Variants in MBNL1 observed in about 807,000 individuals in gnomAD.
MBNL1 encodes muscleblind-like protein 1.
In MBNL1, 8 loss-of-function variants were observed where a neutral mutation model predicts 42.2. The observed-to-expected ratio is 0.19, with a 90% CI of 0.11 to 0.34. MBNL1 has a LOEUF of 0.34. Among genes scored for constraint, MBNL1 ranks in the 10% least tolerant of loss-of-function variants. MBNL1 has a pLI of 1.00. For missense variants in MBNL1, 309 were observed against 495.3 expected (o/e 0.62, Z 3.57); for synonymous variants, 169 against 173.9 (o/e 0.97, Z 0.22).
At chr3:152,294,625 T>G (rs1653858331) in intron 1 of MBNL1, among the ~76,000 whole-genome samples, 1 of 152,142 alleles carries the variant, frequency 6.6e-6, no homozygotes, top group Admixed American at 6.5e-5. Flanking sequence ...TCAGAGAAGT[T>G]TATTATAATG....
At chr3:152,336,688 T>C (rs2090447503) in intron 2 of MBNL1, among the ~76,000 whole-genome samples, 1 of 152,236 alleles carries the variant, frequency 6.6e-6, no homozygotes, top group African/African-American at 2.4e-5. Flanking sequence ...TAGTGACTTA[T>C]CAGACAGAAG....
intron 6 of MBNL1, among the ~76,000 whole-genome samples, chr3:152,450,862 A>G (rs1426491099): frequency 1.3e-5 from 2 of 152,202 alleles, no homozygotes; most frequent in Non-Finnish European, 2.9e-5. Flanking sequence ...AATTTTGGCA[A>G]TTCAGTTTTT....
At chr3:152,410,389 A>AG (rs34402819) in intron 2 of MBNL1, among the ~76,000 whole-genome samples, 1 of 152,328 alleles carries the variant, frequency 6.6e-6, no homozygotes, top group East Asian at 1.9e-4. Context: ...TAAGACTACA[A>AG]GGGGGAAATT....
intron 2 of MBNL1, among the ~76,000 whole-genome samples, chr3:152,385,239 T>TA (rs2097360606): frequency 6.6e-6 from 1 of 152,208 alleles, no homozygotes; most frequent in South Asian, 2.1e-4. Context: ...AGGCCTCTCT[T>TA]ACATTAAATC....
intron 6 of MBNL1, 102 bp downstream of exon 6, chr3:152,447,875 G>T: frequency 9.5e-7 from 1 of 1,053,334 alleles, no homozygotes. Flanking sequence ...AATTATAGAT[G>T]AGGTGTCAGG....
chr3:152,445,287 T>C lies in MBNL1; in HGVS notation c.555T>C (p.Cys185=), dbSNP rs1242006926. Residue 185 remains cysteine (C), a synonymous_variant, in exon 5 of 10, where the codon TGT becomes TGC. Transcript: ENST00000324210. Reference sequence around the variant, plus strand: ...TGTACTTAATGACCTCATAGGTATGTCGAGAGTACCAACGTGGCAATTGCA... The same window carrying C: ...TGTACTTAATGACCTCATAGGTATGCCGAGAGTACCAACGTGGCAATTGCA... The part of the protein sequence containing the change: ...KLMRTDRLEV[C]REYQRGNCNR... 4 of 1,613,534 alleles carry C rather than the reference T, an allele frequency of 2.5e-6. No homozygotes were observed. The highest frequency in any genetic ancestry group is 3.4e-6 in the Non-Finnish European group (4 of 1,179,670).
At chr3:152,320,172 A>G (rs1309311513) in intron 2 of MBNL1, among the ~76,000 whole-genome samples, 1 of 152,146 alleles carries the variant, frequency 6.6e-6, no homozygotes, top group Non-Finnish European at 1.5e-5. Flanking sequence ...ACTATGACCA[A>G]TAATTGTGAG....
Position 152,462,884 on chromosome 3 carries a change from A to G in MBNL1, c.*518A>G, listed in dbSNP as rs1748150036. The G allele has an allele frequency of 6.6e-6, 1 of 152,520 alleles. No homozygotes were observed. Among genetic ancestry groups the G allele is most frequent in the Non-Finnish European group, 1.5e-5 (1 of 67,982 alleles). 9.4% of individuals were successfully genotyped at this position (152,520 alleles called of 1,614,324 possible). ...CGTGCATGCACAGTCATTTTTGTTT[A>G]AGAGTAATATTTTTAATGTAATAGA... On this transcript the variant is annotated 3_prime_UTR_variant, in exon 10 of 10. Transcript: ENST00000324210.
intron 2 of MBNL1, among the ~76,000 whole-genome samples, chr3:152,303,658 A>G (rs2061664905): frequency 1.3e-5 from 2 of 152,168 alleles, no homozygotes; most frequent in South Asian, 2.1e-4. Context: ...GCTCTCAACT[A>G]AAATTTGGGG....
chr3:152,366,283 G>C (rs1171074749), intron 2 of MBNL1, among the ~76,000 whole-genome samples: 1 of 152,064 alleles, frequency 6.6e-6, no homozygotes, highest in Non-Finnish European at 1.5e-5. Flanking sequence ...GATGTTAAAG[G>C]CCAAATATCT....
chr3:152,385,287 T>C (rs2097362611), intron 2 of MBNL1, among the ~76,000 whole-genome samples: 1 of 152,088 alleles, frequency 6.6e-6, no homozygotes, highest in African/African-American at 2.4e-5. Context: ...ATAAGGTACT[T>C]CTTTAATCCT....
chr3:152,388,472 C>T (rs1415840031), intron 2 of MBNL1, among the ~76,000 whole-genome samples: 2 of 152,188 alleles, frequency 1.3e-5, no homozygotes, highest in Non-Finnish European at 2.9e-5. Flanking sequence ...CTACCAGTCC[C>T]AGTCCCATAG....
At chr3:152,264,671 T>C (rs2036887951), upstream of MBNL1, 1 of 152,192 alleles carries the variant, frequency 6.6e-6, no homozygotes, top group African/African-American at 2.4e-5. Flanking sequence ...AATGCTAAAA[T>C]TCTATGATTT....
chr3:152,289,590 G>GA (rs1346483006), intron 1 of MBNL1, among the ~76,000 whole-genome samples: 1 of 151,616 alleles, frequency 6.6e-6, no homozygotes, highest in South Asian at 2.1e-4. Flanking sequence ...TTATTTTTTT[G>GA]AAAAAAAGTC....
At chr3:152,336,478 A>T (rs2090275774) in intron 2 of MBNL1, among the ~76,000 whole-genome samples, 2 of 152,188 alleles carry the variant, frequency 1.3e-5, no homozygotes, top group Admixed American at 1.3e-4. Flanking sequence ...TTATATTTTT[A>T]AAAAATTAAG....
chr3:152,329,636 A>G (rs2082744527), intron 2 of MBNL1, among the ~76,000 whole-genome samples: 1 of 148,854 alleles, frequency 6.7e-6, no homozygotes, highest in South Asian at 2.1e-4. Context: ...CAATGAAACA[A>G]GACCCTGTCT....
chr3:152,255,083 A>G (rs2035258501), intron 2 of MBNL1, among the ~76,000 whole-genome samples: 1 of 152,186 alleles, frequency 6.6e-6, no homozygotes, highest in East Asian at 1.9e-4. Context: ...CCTAAGCCAG[A>G]AATCTTACAA....
rs745706695 is a variant in MBNL1, at chr3:152,464,123, TGTA to T, written c.*1760_*1762del. On this transcript the variant is annotated 3_prime_UTR_variant, in exon 10 of 10. Coordinates refer to ENST00000324210, the MANE Select transcript of MBNL1 (RefSeq NM_021038.5). Reference sequence around the variant, plus strand: ...ATATTACTTATTTTTCTTGTTAAAATGTAGTTTTTCATTTCCTACATTTATTAG... The same window carrying T: ...ATATTACTTATTTTTCTTGTTAAAATGTTTTTCATTTCCTACATTTATTAG... 34 of 152,702 alleles carry T rather than the reference TGTA, an allele frequency of 2.2e-4. 1 individual carries two copies. Among genetic ancestry groups the T allele is most frequent in the Admixed American group, 9.1e-4 (14 of 15,304 alleles). 9.5% of individuals were successfully genotyped at this position (152,702 alleles called of 1,614,324 possible).
chr3:152,412,805 C>T (rs1379672516), intron 2 of MBNL1, among the ~76,000 whole-genome samples: 2 of 151,946 alleles, frequency 1.3e-5, no homozygotes, highest in African/African-American at 2.4e-5. Flanking sequence ...GGTTCATGGC[C>T]CAGGGCTATC....
Sources: allele counts gnomAD v4.1 joint callset (sites outside exome capture counted in the v4.1 genomes callset), GRCh38; gene constraint gnomAD v4.1.1; transcripts MANE v1.5; gene names NCBI Gene and HGNC (gene_info 2026-07-23, HGNC 2026-07-21).